The following RFX8 variants were observed in gnomAD, a reference collection of about 807,000 sequenced individuals.
The protein encoded by RFX8 is regulatory factor X8.
RFX8 carries 46 observed loss-of-function variants against 54.6 expected under a neutral mutation model. The observed-to-expected ratio is 0.84, with a 90% confidence interval of 0.67 to 1.08. The LOEUF (loss-of-function observed/expected upper bound fraction) is 1.08, where lower values mean the gene tolerates loss of function less well. Among genes scored for constraint, RFX8 ranks in the 50% least tolerant of loss-of-function variants. The probability of loss-of-function intolerance (pLI) is 0.00; values close to 1 mark genes in which losing one functional copy is unlikely to be tolerated. For missense variants in RFX8, 536 were observed against 562.3 expected, an observed-to-expected ratio of 0.95 and a Z score of 0.47; for synonymous variants, 192 against 209.5, an observed-to-expected ratio of 0.92 and a Z score of 0.72.
chr2:101,458,360 T>G (rs1209828714), intron 2 of RFX8, among the ~76,000 whole-genome samples: 2 of 152,228 alleles, frequency 1.3e-5, no homozygotes, highest in Non-Finnish European at 2.9e-5. Flanking sequence ...GGCTGTTTGT[T>G]TCCAAGTTTA....
chr2:101,467,241 G>T (rs1689623106), intron 1 of RFX8, among the ~76,000 whole-genome samples: 1 of 152,130 alleles, frequency 6.6e-6, no homozygotes, highest in African/African-American at 2.4e-5. Flanking sequence ...TTACAGCCAA[G>T]AGCTACATAA....
Position 101,468,891 on chromosome 2 carries a change from C to T in RFX8, c.-52-1991G>A, listed in dbSNP as rs543880271. ...ACTGCATCAATTATTTGGCTCAAGG[C>T]TGAGTACAGGGTGATACCTATCGAT... is the stretch of plus-strand genomic sequence containing the variant. On this transcript the variant is annotated intron_variant, in intron 1 of 11. Coordinates refer to ENST00000428343, the MANE Select transcript of RFX8 (RefSeq NM_001145664.2). Among the ~76,000 whole-genome samples the T allele has an allele frequency of 2.0e-5, 3 of 149,338 alleles. No homozygotes were observed. In the East Asian group the frequency reaches 5.9e-4, roughly 29 times the overall value.
At chr2:101,461,887 T>C (rs933995599) in intron 2 of RFX8, among the ~76,000 whole-genome samples, 13 of 152,110 alleles carry the variant, frequency 8.5e-5, no homozygotes, top group African/African-American at 1.4e-4. Context: ...TAAATGCAAG[T>C]AGAAACAGCT....
chr2:101,415,274 A>G (rs1686426653), intron 6 of RFX8, among the ~76,000 whole-genome samples: 1 of 152,134 alleles, frequency 6.6e-6, no homozygotes. Context: ...GTTCCCATGA[A>G]GAGGATTAGA....
At chr2:101,441,092 G>A (rs993584312) in intron 2 of RFX8, among the ~76,000 whole-genome samples, 4 of 150,840 alleles carry the variant, frequency 2.7e-5, no homozygotes, top group Non-Finnish European at 4.4e-5. Context: ...TCAGCCTTCC[G>A]AGTAGCCGGG....
At position 101,468,961 on chromosome 2, in the gene RFX8, C is replaced by CAT. The variant is rs199736297; in HGVS notation, c.-52-2063_-52-2062dup. ...GTGGCAGATTCATATATATAGCCAG[C>CAT]ATATATATATATGTAAGTATATATA... On this transcript the variant is annotated intron_variant, in intron 1 of 11. Coordinates refer to ENST00000428343, the MANE Select transcript of RFX8 (RefSeq NM_001145664.2). Among the ~76,000 whole-genome samples the CAT allele has an allele frequency of 6.9e-3, 934 of 134,738 alleles. 31 individuals carry two copies. The highest frequency in any genetic ancestry group is 0.025 in the African/African-American group (892 of 35,412). The allele number at this position is 134,738 out of a possible 152,430, so 88.4% of individuals were successfully genotyped here.
chr2:101,410,211 A>T (rs1238939226), intron 9 of RFX8, among the ~76,000 whole-genome samples: 1 of 150,796 alleles, frequency 6.6e-6, no homozygotes, highest in African/African-American at 2.4e-5. Flanking sequence ...CTGTACACAC[A>T]CTCATCCATG....
chr2:101,473,637 A>T (rs148117745), intron 1 of RFX8, among the ~76,000 whole-genome samples: 202 of 152,266 alleles, frequency 1.3e-3, no homozygotes, highest in African/African-American at 4.6e-3. Context: ...AAGGTCCTAG[A>T]ACTGGTTTCA....
chr2:101,433,930 T>C (rs954568799), intron 2 of RFX8, among the ~76,000 whole-genome samples: 2 of 152,234 alleles, frequency 1.3e-5, no homozygotes, highest in African/African-American at 4.8e-5. Flanking sequence ...GTTAAAATAG[T>C]AAATATATAT....
chr2:101,451,583 G>A (rs1235213814), intron 2 of RFX8, among the ~76,000 whole-genome samples: 1 of 151,748 alleles, frequency 6.6e-6, no homozygotes, highest in African/African-American at 2.4e-5. Flanking sequence ...CAGCTACTCG[G>A]GAGGCTGAGG....
intron 2 of RFX8, among the ~76,000 whole-genome samples, chr2:101,430,437 T>C (rs957586956): frequency 3.9e-5 from 6 of 152,196 alleles, no homozygotes; most frequent in African/African-American, 1.4e-4. Context: ...AGGGCCTTAA[T>C]CCAATCCAGG....
At chr2:101,441,852 T>C (rs563299389) in intron 2 of RFX8, among the ~76,000 whole-genome samples, 1 of 152,370 alleles carries the variant, frequency 6.6e-6, no homozygotes, top group African/African-American at 2.4e-5. Context: ...TTAAATTCAC[T>C]CTGCCAGTCT....
chr2:101,443,119 A>G (rs981255607), intron 2 of RFX8, among the ~76,000 whole-genome samples: 1 of 152,190 alleles, frequency 6.6e-6, no homozygotes, highest in Non-Finnish European at 1.5e-5. Context: ...TTCTTTTCCT[A>G]CGTCAGGCTT....
chr2:101,421,667 A>T (rs1240579899), intron 4 of RFX8, 57 bp downstream of exon 4: 1 of 1,524,018 alleles, frequency 6.6e-7, no homozygotes, highest in Non-Finnish European at 8.8e-7. Flanking sequence ...ATAAGGAGTC[A>T]TAAATGCTTG....
At chr2:101,435,926 G>A (rs569683084) in intron 2 of RFX8, among the ~76,000 whole-genome samples, 1 of 152,242 alleles carries the variant, frequency 6.6e-6, no homozygotes, top group East Asian at 1.9e-4. Context: ...TTTTCAGCAC[G>A]ATTCACCACA....
chr2:101,474,044 G>A (rs757721906), intron 1 of RFX8, among the ~76,000 whole-genome samples: 2 of 152,198 alleles, frequency 1.3e-5, no homozygotes, highest in Non-Finnish European at 2.9e-5. Context: ...AGGTCCCTCC[G>A]CGCTGCGGCG....
chr2:101,397,448 TACATA>T lies in RFX8; in HGVS notation c.*95_*99del. ...AATAGACAATGCTACATCTATTATA[TACATA>T]ACATCATCTTTCGTCAATAGAAAAA... On this transcript the variant is annotated 3_prime_UTR_variant, in exon 12 of 12. Coordinates refer to ENST00000428343, the MANE Select transcript of RFX8 (RefSeq NM_001145664.2). 1 of 747,790 alleles carries T rather than the reference TACATA, an allele frequency of 1.3e-6. No individual in the cohort carries two copies. The highest frequency in any genetic ancestry group is 2.3e-5 in the South Asian group (1 of 43,902). 46.3% of individuals were successfully genotyped at this position (747,790 alleles called of 1,614,324 possible). A position where few individuals can be genotyped will look rare whatever the true frequency, so the allele number is the denominator to read the frequency against.
chr2:101,429,023 T>C, intron 2 of RFX8: 1 of 1,523,022 alleles, frequency 6.6e-7, no homozygotes, highest in Non-Finnish European at 8.8e-7. Flanking sequence ...ATCTCCACTG[T>C]GAAGGAACAG....
intron 2 of RFX8, among the ~76,000 whole-genome samples, chr2:101,460,967 G>A (rs1414519138): frequency 2.0e-5 from 3 of 151,546 alleles, no homozygotes; most frequent in African/African-American, 4.8e-5. Flanking sequence ...CAAAATGTAC[G>A]GGAGAAAAAT....
Sources: gnomAD v4.1 joint callset for allele counts (sites outside exome capture counted in the v4.1 genomes callset) on GRCh38, gnomAD v4.1.1 for gene constraint, MANE v1.5 for transcripts, NCBI Gene and HGNC (gene_info 2026-07-23, HGNC 2026-07-21) for gene names.